The following PLXNA4 variants were observed in gnomAD, a reference collection of about 807,000 sequenced individuals.
The protein encoded by PLXNA4 is plexin A4, also known as plexin-A4.
PLXNA4 carries 44 observed loss-of-function variants against 191.8 expected under a neutral mutation model. The observed-to-expected ratio is 0.23, with a 90% confidence interval of 0.18 to 0.29. PLXNA4 has a LOEUF of 0.29. PLXNA4 is among the 10% of genes least tolerant of loss of function. The pLI is 1.00. For missense variants in PLXNA4, 1,800 were observed against 2,488.8 expected (o/e 0.72, Z 5.89); for synonymous variants, 1,082 against 1,009.5 (o/e 1.07, Z -1.36).
chr7:132,562,289 CCTT>C (rs1213198632), intron 1 of PLXNA4, among the ~76,000 whole-genome samples: 3 of 125,426 alleles, frequency 2.4e-5, no homozygotes, highest in African/African-American at 6.7e-5. Context: ...TCCTCCTCCT[CCTT>C]CTCCTCCTTC....
rs371765924 is a variant in PLXNA4 at position 132,172,408 on chromosome 7, C to T, written c.4017+2370G>A. ...GCCCCACTTGAGGGGGCTGGGTGAC[C>T]TCCCCTCCAGGACAGCCTGAAGCAA... On this transcript the variant is annotated intron_variant, in intron 21 of 31. Coordinates refer to ENST00000321063, the MANE Select transcript of PLXNA4 (RefSeq NM_020911.2). Among the ~76,000 whole-genome samples, 120 of 152,268 alleles carry T rather than the reference C, an allele frequency of 7.9e-4. 4 individuals are homozygous for T. The East Asian group carries it at 0.011, about 14-fold the overall frequency.
chr7:132,472,511 C>T (rs1196969236), intron 3 of PLXNA4, among the ~76,000 whole-genome samples: 1 of 152,206 alleles, frequency 6.6e-6, no homozygotes, highest in East Asian at 1.9e-4. Flanking sequence ...AAGGAAGCCT[C>T]TCTCAACAGA....
intron 3 of PLXNA4, among the ~76,000 whole-genome samples, chr7:132,304,184 C>T (rs557873669): frequency 1.3e-5 from 2 of 152,054 alleles, no homozygotes; most frequent in African/African-American, 4.8e-5. Context: ...GGAAAAAGGG[C>T]GTCTGAGGGG....
At chr7:132,620,026 G>A (rs1331194837) in intron 2 of PLXNA4, among the ~76,000 whole-genome samples, 1 of 152,094 alleles carries the variant, frequency 6.6e-6, no homozygotes, top group African/African-American at 2.4e-5. Flanking sequence ...ATGGTCTCGA[G>A]CTCCTGACCT....
At chr7:132,289,629 T>C (rs2161873) in intron 4 of PLXNA4, among the ~76,000 whole-genome samples, 47,147 of 151,778 alleles carry the variant, frequency 0.31, 7,502 homozygotes, top group Admixed American at 0.42. Context: ...ACCTCCTAGA[T>C]TCAAATAATC....
chr7:132,407,551 T>C (rs994325541), intron 3 of PLXNA4, among the ~76,000 whole-genome samples: 1 of 152,150 alleles, frequency 6.6e-6, no homozygotes, highest in African/African-American at 2.4e-5. Flanking sequence ...TGCACACAAA[T>C]TGGCTGCTCA....
At chr7:132,237,659 T>C (rs960286966) in intron 5 of PLXNA4, among the ~76,000 whole-genome samples, 1 of 152,208 alleles carries the variant, frequency 6.6e-6, no homozygotes, top group Non-Finnish European at 1.5e-5. Flanking sequence ...AGGTTACGAA[T>C]GACAGCACCT....
intron 3 of PLXNA4, among the ~76,000 whole-genome samples, chr7:132,313,774 TG>T (rs1287541537): frequency 6.6e-6 from 1 of 152,198 alleles, no homozygotes; most frequent in Non-Finnish European, 1.5e-5. Context: ...AGAGGTGGAT[TG>T]TGATATCATG....
intron 2 of PLXNA4, among the ~76,000 whole-genome samples, chr7:132,584,706 T>A (rs899944251): frequency 2.6e-5 from 4 of 152,178 alleles, no homozygotes; most frequent in African/African-American, 9.7e-5. Context: ...CACAAAAAAC[T>A]TAACAGCAGA....
chr7:132,470,718 A>G (rs1042875825), intron 3 of PLXNA4, among the ~76,000 whole-genome samples: 1 of 152,220 alleles, frequency 6.6e-6, no homozygotes, highest in Non-Finnish European at 1.5e-5. Context: ...AGACTTGACT[A>G]TGAAAGAAAG....
chr7:132,522,570 G>A (rs1011482402), intron 1 of PLXNA4, among the ~76,000 whole-genome samples: 3 of 152,160 alleles, frequency 2.0e-5, no homozygotes, highest in Non-Finnish European at 4.4e-5. Context: ...CCAGGAGTTC[G>A]AGATTAGCCT....
At chr7:132,524,832 C>G (rs139579050) in intron 1 of PLXNA4, among the ~76,000 whole-genome samples, 5,764 of 152,142 alleles carry the variant, frequency 0.038, 276 homozygotes, top group African/African-American at 0.11. Flanking sequence ...CTCCCAAAGT[C>G]CTGGGATTAC....
At chr7:132,252,318 T>G (rs947553771) in intron 4 of PLXNA4, among the ~76,000 whole-genome samples, 3 of 130,074 alleles carry the variant, frequency 2.3e-5, no homozygotes, top group African/African-American at 9.2e-5. Context: ...TTTTTTTTTT[T>G]TTTTTTTTTT....
At position 132,223,523 on chromosome 7, in the gene PLXNA4, C is replaced by T. The variant is rs748563611; in HGVS notation, c.2097+4G>A. The T allele has an allele frequency of 6.2e-7, 1 of 1,610,466 alleles. No homozygotes were observed. The highest frequency in any genetic ancestry group is 1.1e-5 in the South Asian group (1 of 90,238). On this transcript the variant is annotated splice_donor_region_variant and intron_variant, in intron 9 of 31. Coordinates refer to ENST00000321063, the MANE Select transcript of PLXNA4 (RefSeq NM_020911.2). The stretch of plus-strand genomic sequence containing the variant: ...ACTCACCACTCTGGCTGCCAGGGAC[C>T]TACCTCGGGCAGCTTCACTCGGCCT...
At chr7:132,293,293 A>C (rs914090624) in intron 4 of PLXNA4, among the ~76,000 whole-genome samples, 1 of 152,216 alleles carries the variant, frequency 6.6e-6, no homozygotes, top group Non-Finnish European at 1.5e-5. Flanking sequence ...ATTTACAAAG[A>C]AAAAGAGGTT....
At chr7:132,373,309 T>C (rs1804520442) in intron 3 of PLXNA4, among the ~76,000 whole-genome samples, 1 of 152,098 alleles carries the variant, frequency 6.6e-6, no homozygotes. Flanking sequence ...AGTCTTGCAA[T>C]GTTCTCTCCA....
intron 3 of PLXNA4, among the ~76,000 whole-genome samples, chr7:132,422,446 A>T (rs1344394878): frequency 6.6e-6 from 1 of 152,228 alleles, no homozygotes; most frequent in Non-Finnish European, 1.5e-5. Flanking sequence ...CAGCTGGTGC[A>T]TCATTAAAGC....
intron 3 of PLXNA4, among the ~76,000 whole-genome samples, chr7:132,324,929 T>G (rs1802302912): frequency 6.6e-6 from 1 of 152,038 alleles, no homozygotes; most frequent in South Asian, 2.1e-4. Context: ...CCACAAAGAT[T>G]AAAATCAAGA....
intron 2 of PLXNA4, among the ~76,000 whole-genome samples, chr7:132,490,765 A>G (rs1297292164): frequency 6.6e-6 from 1 of 152,050 alleles, no homozygotes; most frequent in African/African-American, 2.4e-5. Flanking sequence ...AGTGTTCCTT[A>G]AAGAGAATAT....
Sources: gnomAD v4.1 joint callset for allele counts (sites outside exome capture counted in the v4.1 genomes callset) on GRCh38, gnomAD v4.1.1 for gene constraint, MANE v1.5 for transcripts, NCBI Gene and HGNC (gene_info 2026-07-23, HGNC 2026-07-21) for gene names.